LRRC4C: variants seen among roughly 807,000 people sequenced by gnomAD.
The protein encoded by LRRC4C is leucine-rich repeat-containing protein 4C.
In LRRC4C, 5 loss-of-function variants were observed where a neutral mutation model predicts 33.6. The ratio of observed to expected loss-of-function variants is 0.15; its 90% CI spans 0.08 to 0.31. LRRC4C has a LOEUF of 0.31. LRRC4C is among the 10% of genes least tolerant of loss of function. The pLI is 1.00. For missense variants in LRRC4C, 560 were observed against 796.7 expected (o/e 0.70, Z 3.58); for synonymous variants, 329 against 302.0 (o/e 1.09, Z -0.93).
chr11:41,196,571 T>C (rs561012485), intron 1 of LRRC4C, among the ~76,000 whole-genome samples: 5 of 152,078 alleles, frequency 3.3e-5, no homozygotes, highest in Non-Finnish European at 4.4e-5. Flanking sequence ...CAAATACTTA[T>C]GAAAGATATT....
chr11:40,901,033 G>A (rs1255382985), intron 2 of LRRC4C, among the ~76,000 whole-genome samples: 3 of 152,052 alleles, frequency 2.0e-5, no homozygotes, highest in Non-Finnish European at 2.9e-5. Flanking sequence ...TGCTTTGTAT[G>A]AGGACGTTCT....
At chr11:40,534,102 C>T (rs957397268) in intron 3 of LRRC4C, among the ~76,000 whole-genome samples, 1 of 152,136 alleles carries the variant, frequency 6.6e-6, no homozygotes, top group Non-Finnish European at 1.5e-5. Context: ...CAGAAAGTGA[C>T]TTCCTGAGTC....
chr11:40,730,228 T>A (rs577649125), intron 2 of LRRC4C, among the ~76,000 whole-genome samples: 71 of 152,202 alleles, frequency 4.7e-4, no homozygotes, highest in African/African-American at 1.6e-3. Flanking sequence ...ACTGTGCACA[T>A]GTACCCTAAA....
chr11:40,543,061 G>A (rs950479844), intron 3 of LRRC4C, among the ~76,000 whole-genome samples: 2 of 152,024 alleles, frequency 1.3e-5, no homozygotes, highest in Non-Finnish European at 2.9e-5. Context: ...CCTTATGATA[G>A]GATATCTGGC....
intron 1 of LRRC4C, among the ~76,000 whole-genome samples, chr11:41,125,495 A>T (rs1356275606): frequency 1.3e-5 from 2 of 152,068 alleles, no homozygotes; most frequent in African/African-American, 4.8e-5. Flanking sequence ...ATGTTTTTTA[A>T]TGATAAGCAA....
chr11:41,246,438 G>A (rs1038309223), intron 1 of LRRC4C, among the ~76,000 whole-genome samples: 1 of 152,186 alleles, frequency 6.6e-6, no homozygotes, highest in Non-Finnish European at 1.5e-5. Flanking sequence ...GGGTAGGGGG[G>A]CTTCCTTGGC....
chr11:41,432,062 T>C (rs1331851567), intron 1 of LRRC4C, among the ~76,000 whole-genome samples: 1 of 152,198 alleles, frequency 6.6e-6, no homozygotes, highest in Non-Finnish European at 1.5e-5. Flanking sequence ...AAGTGGTACA[T>C]TATGCATAAT....
intron 2 of LRRC4C, among the ~76,000 whole-genome samples, chr11:40,748,316 C>A (rs1360092295): frequency 1.3e-5 from 2 of 152,010 alleles, no homozygotes; most frequent in African/African-American, 4.8e-5. Flanking sequence ...GCAAAATTAT[C>A]CTTCAGAAAT....
chr11:41,388,302 CG>C (rs1953442640), intron 1 of LRRC4C, among the ~76,000 whole-genome samples: 1 of 151,712 alleles, frequency 6.6e-6, no homozygotes, highest in African/African-American at 2.4e-5. Flanking sequence ...AGTAAAGATG[CG>C]TTTTTGAAGT....
At chr11:40,358,431 C>G (rs572301368) in intron 3 of LRRC4C, among the ~76,000 whole-genome samples, 28 of 152,182 alleles carry the variant, frequency 1.8e-4, no homozygotes, top group Non-Finnish European at 2.9e-4. Context: ...CAGGTGCATA[C>G]CACTGTGCTT....
At chr11:41,148,670 G>A (rs1943842519) in intron 1 of LRRC4C, among the ~76,000 whole-genome samples, 1 of 151,992 alleles carries the variant, frequency 6.6e-6, no homozygotes, top group Non-Finnish European at 1.5e-5. Flanking sequence ...CTAGCTCTCT[G>A]GCCTGGAACT....
chr11:40,328,311 C>T (rs1049083386), intron 3 of LRRC4C, among the ~76,000 whole-genome samples: 4 of 152,042 alleles, frequency 2.6e-5, no homozygotes, highest in South Asian at 2.1e-4. Flanking sequence ...CTAGGCTCTC[C>T]GTTTTTTATT....
chr11:40,692,705 T>G (rs2136413852), intron 2 of LRRC4C, among the ~76,000 whole-genome samples: 1 of 152,232 alleles, frequency 6.6e-6, no homozygotes, highest in Non-Finnish European at 1.5e-5. Context: ...TGCAACAGTC[T>G]ATTGTACCAA....
intron 1 of LRRC4C, among the ~76,000 whole-genome samples, chr11:41,102,139 A>T (rs1158872366): frequency 6.6e-6 from 1 of 152,096 alleles, no homozygotes; most frequent in Non-Finnish European, 1.5e-5. Context: ...CTAAAATAAA[A>T]GTTAAAAAAA....
chr11:40,221,986 G>A (rs1426814883), intron 5 of LRRC4C, among the ~76,000 whole-genome samples: 1 of 152,048 alleles, frequency 6.6e-6, no homozygotes, highest in East Asian at 1.9e-4. Context: ...TGTCTGAGGA[G>A]TTTTGTCTGC....
chr11:41,241,317 AC>A (rs776821078), intron 1 of LRRC4C, among the ~76,000 whole-genome samples: 22 of 152,252 alleles, frequency 1.4e-4, no homozygotes, highest in Non-Finnish European at 2.8e-4. Context: ...AGAATAACTA[AC>A]CAGGTTTTTA....
At chr11:40,659,532 T>G (rs1384332485) in intron 2 of LRRC4C, among the ~76,000 whole-genome samples, 1 of 152,136 alleles carries the variant, frequency 6.6e-6, no homozygotes, top group Non-Finnish European at 1.5e-5. Context: ...CAGCATGCAC[T>G]TCCTCCCTTG....
At chr11:40,649,157 A>G (rs1194761818) in intron 2 of LRRC4C, among the ~76,000 whole-genome samples, 1 of 152,198 alleles carries the variant, frequency 6.6e-6, no homozygotes, top group Non-Finnish European at 1.5e-5. Context: ...ACAGGGTTCA[A>G]GAGCAGAGAA....
At chr11:40,546,680 G>T (rs188111777) in intron 3 of LRRC4C, among the ~76,000 whole-genome samples, 121 of 152,226 alleles carry the variant, frequency 7.9e-4, no homozygotes, top group African/African-American at 2.9e-3. Flanking sequence ...ATAGTGATGG[G>T]CTAAGGAAGT....
Sources: allele counts gnomAD v4.1 joint callset (sites outside exome capture counted in the v4.1 genomes callset), GRCh38; gene constraint gnomAD v4.1.1; transcripts MANE v1.5; gene names NCBI Gene and HGNC (gene_info 2026-07-23, HGNC 2026-07-21).